The following FRMD3 variants were observed in gnomAD, a reference collection of about 807,000 sequenced individuals.
FRMD3 encodes the protein FERM domain containing 3.
Under a neutral mutation model 70.2 loss-of-function variants are expected in FRMD3, and 33 were observed. That is an observed-to-expected ratio of 0.47 (90% CI 0.36 to 0.63). The LOEUF (loss-of-function observed/expected upper bound fraction) is 0.63. FRMD3 is among the 20% of genes least tolerant of loss of function. The pLI is 0.00. For missense variants in FRMD3, 632 were observed against 711.4 expected (o/e 0.89, Z 1.27); for synonymous variants, 279 against 255.9 (o/e 1.09, Z -0.86).
chr9:83,547,287 A>T, the FRMD3 span, among the ~76,000 whole-genome samples: 1 of 148,334 alleles, frequency 6.7e-6, no homozygotes, highest in Non-Finnish European at 1.5e-5. Flanking sequence ...TCATTATATA[A>T]TATAATATAA....
chr9:83,582,561 T>A, the FRMD3 span, among the ~76,000 whole-genome samples: 48 of 152,326 alleles, frequency 3.2e-4, no homozygotes, highest in African/African-American at 1.1e-3. Context: ...AACTTGCACA[T>A]ACAACAGTGT....
intron 1 of FRMD3, among the ~76,000 whole-genome samples, chr9:83,513,576 C>T (rs1355166965): frequency 6.6e-6 from 1 of 152,128 alleles, no homozygotes; most frequent in African/African-American, 2.4e-5. Flanking sequence ...TCCTTTATTT[C>T]TTCATACAAA....
the FRMD3 span, among the ~76,000 whole-genome samples, chr9:83,548,877 A>G: frequency 2.0e-5 from 3 of 152,276 alleles, no homozygotes; most frequent in Non-Finnish European, 4.4e-5. Flanking sequence ...TGTAAACCTA[A>G]AAGTGCTCTA....
chr9:83,492,598 C>A (rs1195327132), intron 1 of FRMD3, among the ~76,000 whole-genome samples: 1 of 152,196 alleles, frequency 6.6e-6, no homozygotes, highest in Non-Finnish European at 1.5e-5. Flanking sequence ...TACTGTTCAT[C>A]CACCTAACCC....
At chr9:83,476,114 T>C (rs948038119) in intron 1 of FRMD3, among the ~76,000 whole-genome samples, 4 of 152,210 alleles carry the variant, frequency 2.6e-5, no homozygotes, top group African/African-American at 9.7e-5. Flanking sequence ...CCAGGCACCA[T>C]GGCTCACACC....
chr9:83,287,638 T>A (rs1040693553), intron 13 of FRMD3, among the ~76,000 whole-genome samples: 7 of 152,116 alleles, frequency 4.6e-5, no homozygotes, highest in Non-Finnish European at 1.0e-4. Context: ...CACTCACACC[T>A]CATGCAGGTG....
At chr9:83,362,147 T>C (rs900197450) in intron 3 of FRMD3, among the ~76,000 whole-genome samples, 1 of 151,714 alleles carries the variant, frequency 6.6e-6, no homozygotes, top group Non-Finnish European at 1.5e-5. Context: ...CCTGTGGCTT[T>C]ACACCAGAGC....
intron 1 of FRMD3, among the ~76,000 whole-genome samples, chr9:83,505,028 T>G (rs1371476169): frequency 1.3e-5 from 2 of 152,156 alleles, no homozygotes; most frequent in Non-Finnish European, 2.9e-5. Context: ...CTTTCTTGAT[T>G]CATTCTTATG....
intron 1 of FRMD3, among the ~76,000 whole-genome samples, chr9:83,454,272 G>GGCTA (rs1564085618): frequency 6.6e-6 from 1 of 152,136 alleles, no homozygotes; most frequent in Non-Finnish European, 1.5e-5. Flanking sequence ...AATGGCTGAT[G>GGCTA]GCTATCCTAA....
chr9:83,363,702 C>T (rs1247711252), intron 3 of FRMD3, among the ~76,000 whole-genome samples: 1 of 152,006 alleles, frequency 6.6e-6, no homozygotes, highest in Non-Finnish European at 1.5e-5. Flanking sequence ...CTACAGGCGC[C>T]CGCCACCTCG....
chr9:83,539,406 T>C (rs1356909846), upstream of FRMD3, among the ~76,000 whole-genome samples: 1 of 152,176 alleles, frequency 6.6e-6, no homozygotes. Context: ...AGCACTAGAA[T>C]GTCCAGGAGC....
At chr9:83,350,887 A>G in intron 3 of FRMD3, 1 of 455,998 alleles carries the variant, frequency 2.2e-6, no homozygotes, top group East Asian at 1.6e-4. Context: ...TGATAAATGC[A>G]TACCAGTGTA....
chr9:83,411,413 A>G (rs1826274444), intron 1 of FRMD3, among the ~76,000 whole-genome samples: 1 of 152,210 alleles, frequency 6.6e-6, no homozygotes, highest in African/African-American at 2.4e-5. Flanking sequence ...TTTTAGCTCA[A>G]TCCACACCAA....
chr9:83,467,654 G>T, intron 1 of FRMD3: 1 of 1,535,060 alleles, frequency 6.5e-7, no homozygotes, highest in Non-Finnish European at 8.7e-7. Flanking sequence ...CTTGTGCCTT[G>T]CCAAGACAAA....
intron 1 of FRMD3, among the ~76,000 whole-genome samples, chr9:83,490,787 C>G (rs536613947): frequency 7.8e-6 from 1 of 127,738 alleles, no homozygotes; most frequent in Non-Finnish European, 1.6e-5. Flanking sequence ...CTCTCTCTCT[C>G]TCTCTCTCTC....
intron 1 of FRMD3, among the ~76,000 whole-genome samples, chr9:83,443,024 T>G (rs990410800): frequency 6.6e-6 from 1 of 152,226 alleles, no homozygotes; most frequent in Non-Finnish European, 1.5e-5. Flanking sequence ...TAGATGTGTA[T>G]GTATAGATAT....
intron 1 of FRMD3, among the ~76,000 whole-genome samples, chr9:83,451,389 TCACACACACA>T (rs10611241): frequency 8.1e-5 from 12 of 147,478 alleles, no homozygotes; most frequent in Admixed American, 2.0e-4. Flanking sequence ...AATACATACA[TCACACACACA>T]CACACACACA....
At position 83,248,403 on chromosome 9, in the gene FRMD3, CTTTTA is replaced by C. The variant is rs1832230009; in HGVS notation, c.1304_1308del (p.Ile435ArgfsTer8). ...AGTTCAGAGATGGTTAAAGGTTCTT[CTTTTA>C]TTTTATCTTCCTCTTCACTAGGGGG... On this transcript the variant is annotated frameshift_variant, in exon 14 of 14. Coordinates refer to ENST00000304195, the MANE Select transcript of FRMD3 (RefSeq NM_174938.6). LOFTEE classifies it high-confidence loss of function. 1 of 1,614,014 alleles carries C rather than the reference CTTTTA, an allele frequency of 6.2e-7. No individual in the cohort carries two copies. Among genetic ancestry groups the C allele is most frequent in the African/African-American group, 1.3e-5 (1 of 74,914 alleles).
At chr9:83,466,849 T>C (rs183318161) in intron 1 of FRMD3, among the ~76,000 whole-genome samples, 4 of 152,326 alleles carry the variant, frequency 2.6e-5, no homozygotes, top group Non-Finnish European at 5.9e-5. Context: ...GCTCGGTAAG[T>C]AAGGCAAAGA....
Sources: gnomAD v4.1 joint callset for allele counts (sites outside exome capture counted in the v4.1 genomes callset) on GRCh38, gnomAD v4.1.1 for gene constraint, MANE v1.5 for transcripts, NCBI Gene and HGNC (gene_info 2026-07-23, HGNC 2026-07-21) for gene names.